The following RETREG1 variants were observed in gnomAD, a reference collection of about 807,000 sequenced individuals.
RETREG1 encodes reticulophagy regulator 1, also known as family with sequence similarity 134 member B.
Under a neutral mutation model 54.8 loss-of-function variants are expected in RETREG1, and 44 were observed. The ratio of observed to expected loss-of-function variants is 0.80; its 90% CI spans 0.63 to 1.03. The LOEUF (loss-of-function observed/expected upper bound fraction) is 1.03, where lower values mean the gene tolerates loss of function less well. RETREG1 is among the 50% of genes least tolerant of loss of function. The pLI is 0.00. For synonymous variants in RETREG1, 217 were observed against 238.5 expected (o/e 0.91, Z 0.83); for missense variants, 554 against 605.1 (o/e 0.92, Z 0.89).
In RETREG1 at chr5:16,616,873, G is replaced by A. The variant is rs1433722662; in HGVS notation, c.99C>T (p.Ser33=). Residue 33 remains serine, a synonymous_variant, in exon 1 of 9, where the codon TCC becomes TCT. Transcript: ENST00000306320. The stretch of plus-strand genomic sequence containing the variant: ...CCTCCTGCTGCTGCCGCTCTGCGGG[G>A]GATGCCTGGGGCGGTGGCGGCGACG... ...APPSPPPPQA[S]PAERQQQEEE... 1 of 1,496,126 alleles carries A rather than the reference G, an allele frequency of 6.7e-7. No individual in the cohort carries two copies. Among genetic ancestry groups the A allele is most frequent in the Non-Finnish European group, 8.8e-7 (1 of 1,130,444 alleles). The allele number at this position is 1,496,126 out of a possible 1,614,324, so 92.7% of individuals were successfully genotyped here. A position where few individuals can be genotyped will look rare whatever the true frequency, so the allele number is the denominator to read the frequency against.
At chr5:16,480,510 T>G (rs1269417943) in intron 5 of RETREG1, among the ~76,000 whole-genome samples, 1 of 152,128 alleles carries the variant, frequency 6.6e-6, no homozygotes, top group Non-Finnish European at 1.5e-5. Flanking sequence ...TAGTAGTTTT[T>G]AAGAAACTGC....
chr5:16,543,446 C>A lies in RETREG1; in HGVS notation c.458+22317G>T, dbSNP rs13175262. 4.2e-3 allele frequency among the ~76,000 whole-genome samples: 646 copies of A among 152,238 alleles called. 2 individuals are homozygous for A. The highest frequency in any genetic ancestry group is 6.7e-3 in the Admixed American group (102 of 15,294). On this transcript the variant is annotated intron_variant, in intron 3 of 8. Transcript: ENST00000306320. ...ATCCCAGCACTTTGGGAGGCCAAGG[C>A]AGACTGATCACATAAGGTCAGGAGT...
chr5:16,478,236 A>T, intron 6 of RETREG1, 138 bp from the exon 7 acceptor site: 1 of 638,324 alleles, frequency 1.6e-6, no homozygotes, highest in Non-Finnish European at 2.8e-6. Context: ...CTTAACTACA[A>T]ATATAATTAA....
chr5:16,518,491 C>A (rs1740431659), intron 3 of RETREG1, among the ~76,000 whole-genome samples: 1 of 151,770 alleles, frequency 6.6e-6, no homozygotes, highest in African/African-American at 2.4e-5. Flanking sequence ...CCATCTTATC[C>A]TTTTGCCTGT....
At chr5:16,586,715 C>G (rs1189213165) in intron 1 of RETREG1, among the ~76,000 whole-genome samples, 1 of 152,354 alleles carries the variant, frequency 6.6e-6, no homozygotes, top group East Asian at 1.9e-4. Context: ...GCTTTGGGGC[C>G]TCTTCCTTCA....
At chr5:16,606,278 T>C (rs1579725923) in intron 1 of RETREG1, among the ~76,000 whole-genome samples, 1 of 152,164 alleles carries the variant, frequency 6.6e-6, no homozygotes, top group South Asian at 2.1e-4. Context: ...AACCCTCTCC[T>C]GGAACTCCCC....
At chr5:16,547,943 G>A (rs1410543926) in intron 3 of RETREG1, among the ~76,000 whole-genome samples, 1 of 152,104 alleles carries the variant, frequency 6.6e-6, no homozygotes, top group Non-Finnish European at 1.5e-5. Context: ...AGGGTTAGAA[G>A]AACGTATTTA....
chr5:16,520,197 C>A (rs1051218417), intron 3 of RETREG1, among the ~76,000 whole-genome samples: 1 of 152,146 alleles, frequency 6.6e-6, no homozygotes. Context: ...GACAGAAACA[C>A]GGGCGAAGAG....
In RETREG1 at chr5:16,566,370, T is replaced by TAC. The variant is rs746877740; in HGVS notation, c.428-579_428-578dup. On this transcript the variant is annotated intron_variant, in intron 2 of 8. Coordinates refer to ENST00000306320, the MANE Select transcript of RETREG1 (RefSeq NM_001034850.3). ...AATGAAATCAATATAAAACATAAAATACACACACACACACATATATACATA... is the reference window on the plus strand; with the variant it reads ...AATGAAATCAATATAAAACATAAAATACACACACACACACACATATATACATA... 4.7e-3 allele frequency among the ~76,000 whole-genome samples: 597 copies of TAC among 126,372 alleles called. 1 individual carries two copies. The highest frequency in any genetic ancestry group is 9.1e-3 in the African/African-American group (322 of 35,448). The allele number at this position is 126,372 out of a possible 152,430, so 82.9% of individuals were successfully genotyped here. A position where few individuals can be genotyped will look rare whatever the true frequency, so the allele number is the denominator to read the frequency against.
intron 4 of RETREG1, among the ~76,000 whole-genome samples, chr5:16,481,858 C>T (rs545424665): frequency 2.1e-4 from 32 of 151,992 alleles, no homozygotes; most frequent in Middle Eastern, 3.2e-3. Context: ...ACCATAAAGT[C>T]TTCACCTGAT....
intron 2 of RETREG1, among the ~76,000 whole-genome samples, chr5:16,569,747 G>A (rs1742121981): frequency 6.6e-6 from 1 of 152,204 alleles, no homozygotes; most frequent in South Asian, 2.1e-4. Context: ...TGGAAAAAGG[G>A]TCTCTGCTGA....
At chr5:16,544,471 A>G (rs940277349) in intron 3 of RETREG1, among the ~76,000 whole-genome samples, 3 of 152,068 alleles carry the variant, frequency 2.0e-5, no homozygotes, top group African/African-American at 7.2e-5. Flanking sequence ...TCCCAATAAT[A>G]TTGTATCTAA....
chr5:16,489,706 C>G (rs1283314449), intron 3 of RETREG1, among the ~76,000 whole-genome samples: 3 of 152,156 alleles, frequency 2.0e-5, no homozygotes, highest in African/African-American at 7.2e-5. Context: ...CAGCCTGTAA[C>G]CAATAAGTTA....
At chr5:16,515,285 A>T (rs535619934) in intron 3 of RETREG1, among the ~76,000 whole-genome samples, 1 of 152,288 alleles carries the variant, frequency 6.6e-6, no homozygotes, top group African/African-American at 2.4e-5. Context: ...AAGTGCAAAG[A>T]ATCCATCACC....
rs1239920831 is a variant in RETREG1, at chr5:16,594,851, A to G, written c.320+21801T>C. 6.6e-6 allele frequency among the ~76,000 whole-genome samples: 1 copy of G among 152,244 alleles called. No individual in the cohort carries two copies. The highest frequency in any genetic ancestry group is 2.4e-5 in the African/African-American group (1 of 41,466). ...ATAATGATGCAAGGTGTTGTTTTCA[A>G]TTTATCCAGAAGGTATTTGGAAGTT... On this transcript the variant is annotated intron_variant, in intron 1 of 8. Coordinates refer to ENST00000306320, the MANE Select transcript of RETREG1 (RefSeq NM_001034850.3). The surrounding 1 kb of genome is among the most constrained non-coding windows in gnomAD (Gnocchi z 4.4).
intron 3 of RETREG1, among the ~76,000 whole-genome samples, chr5:16,510,580 A>C (rs162847): frequency 6.6e-6 from 1 of 151,670 alleles, no homozygotes; most frequent in African/African-American, 2.4e-5. Flanking sequence ...ACCCGAGGTT[A>C]GGAGTTCGAG....
intron 3 of RETREG1, among the ~76,000 whole-genome samples, chr5:16,501,242 C>A (rs1427553138): frequency 6.6e-6 from 1 of 152,098 alleles, no homozygotes; most frequent in Non-Finnish European, 1.5e-5. Context: ...TTGCTGATGA[C>A]AAAATGAAAT....
chr5:16,492,779 A>G (rs1480226154), intron 3 of RETREG1, among the ~76,000 whole-genome samples: 1 of 152,190 alleles, frequency 6.6e-6, no homozygotes, highest in Non-Finnish European at 1.5e-5. Flanking sequence ...ATATGACTGT[A>G]TGTAGGCAGA....
intron 3 of RETREG1, among the ~76,000 whole-genome samples, chr5:16,541,558 G>A (rs1401463156): frequency 6.6e-6 from 1 of 152,006 alleles, no homozygotes; most frequent in Non-Finnish European, 1.5e-5. Context: ...ATGGTGGCAG[G>A]CACCTGTAAC....
Sources: allele counts gnomAD v4.1 joint callset (sites outside exome capture counted in the v4.1 genomes callset), GRCh38; gene constraint gnomAD v4.1.1; non-coding constraint Gnocchi (gnomAD v3.1); transcripts MANE v1.5; gene names NCBI Gene and HGNC (gene_info 2026-07-23, HGNC 2026-07-21).